Variants in CAMK2D observed in about 807,000 individuals in gnomAD.
CAMK2D encodes calcium/calmodulin dependent protein kinase II delta.
A neutral mutation model predicts 84.0 loss-of-function variants in CAMK2D; 37 were observed. The observed-to-expected ratio is 0.44, with a 90% CI of 0.34 to 0.58. CAMK2D has a LOEUF of 0.58. Ranked by LOEUF, CAMK2D falls within the 20% of genes least tolerant of loss-of-function variation. The pLI, the probability that CAMK2D is intolerant of heterozygous loss-of-function variation, is 0.02. For missense variants in CAMK2D, 448 were observed against 652.5 expected (o/e 0.69, Z 3.41); for synonymous variants, 202 against 212.5 (o/e 0.95, Z 0.43).
chr4:113,589,865 C>G (rs2098855202), intron 4 of CAMK2D, among the ~76,000 whole-genome samples: 1 of 152,008 alleles, frequency 6.6e-6, no homozygotes, highest in Non-Finnish European at 1.5e-5. Context: ...ATGCATGATG[C>G]CCAAGGACCA....
intron 3 of CAMK2D, among the ~76,000 whole-genome samples, chr4:113,611,460 G>T (rs1210587101): frequency 6.6e-6 from 1 of 152,128 alleles, no homozygotes; most frequent in Non-Finnish European, 1.5e-5. Context: ...GAAAAGTAAA[G>T]TCTACAATCT....
intron 16 of CAMK2D, among the ~76,000 whole-genome samples, chr4:113,494,846 G>A (rs758581746): frequency 5.3e-5 from 8 of 152,180 alleles, no homozygotes; most frequent in Admixed American, 6.5e-5. Flanking sequence ...CTCCTGGTGC[G>A]CCGTTTTTTA....
At chr4:113,516,712 T>G (rs2098288748) in intron 9 of CAMK2D, among the ~76,000 whole-genome samples, 1 of 152,172 alleles carries the variant, frequency 6.6e-6, no homozygotes, top group Non-Finnish European at 1.5e-5. Context: ...CTCCTCTCAC[T>G]TTCACATTGA....
intron 4 of CAMK2D, among the ~76,000 whole-genome samples, chr4:113,585,919 T>C (rs2098832356): frequency 1.3e-5 from 2 of 152,234 alleles, no homozygotes; most frequent in Non-Finnish European, 2.9e-5. Flanking sequence ...TTGTTGCTAT[T>C]CACCTAGACT....
chr4:113,455,694 C>A, intron 20 of CAMK2D, 32 bp downstream of exon 20: 2 of 1,230,364 alleles, frequency 1.6e-6, no homozygotes, highest in South Asian at 1.3e-5. Flanking sequence ...CAGCTCCAGT[C>A]ACAAAGTATC....
In CAMK2D at chr4:113,669,609, T is replaced by G. The variant is rs547926102; in HGVS notation, c.161-7837A>C. On this transcript the variant is annotated intron_variant, in intron 2 of 20. Transcript: ENST00000511664. ...TGACATTAGCGATCTCCCCTCAGTTTTCATACCTTCTGTGATGGTGTTGCT... is the reference window on the plus strand; with the variant it reads ...TGACATTAGCGATCTCCCCTCAGTTGTCATACCTTCTGTGATGGTGTTGCT... 2.2e-4 allele frequency among the ~76,000 whole-genome samples: 33 copies of G among 152,332 alleles called. 1 individual carries two copies. The highest frequency in any genetic ancestry group is 1.6e-3 in the Admixed American group (25 of 15,304).
intron 4 of CAMK2D, among the ~76,000 whole-genome samples, chr4:113,561,991 C>A (rs773604926): frequency 4.0e-4 from 61 of 152,166 alleles, no homozygotes; most frequent in Non-Finnish European, 6.2e-4. Flanking sequence ...CACGTGTAAA[C>A]ACAAGCATAC....
At chr4:113,601,357 A>G (rs964501798) in intron 4 of CAMK2D, among the ~76,000 whole-genome samples, 1 of 152,246 alleles carries the variant, frequency 6.6e-6, no homozygotes, top group African/African-American at 2.4e-5. Flanking sequence ...TCCTTAAAAA[A>G]TATAACAAAA....
At chr4:113,510,366 A>G (rs925698495) in intron 12 of CAMK2D, among the ~76,000 whole-genome samples, 5 of 152,210 alleles carry the variant, frequency 3.3e-5, no homozygotes, top group African/African-American at 1.2e-4. Context: ...AAAAGTAAAA[A>G]TCATAAAATT....
At chr4:113,508,690 A>C (rs749766393) in intron 13 of CAMK2D, among the ~76,000 whole-genome samples, 6 of 152,232 alleles carry the variant, frequency 3.9e-5, no homozygotes, top group Admixed American at 3.3e-4. Context: ...CACAGTCATC[A>C]GTGCTCCAGA....
intron 6 of CAMK2D, among the ~76,000 whole-genome samples, chr4:113,546,172 GA>G (rs1044157282): frequency 2.5e-4 from 38 of 151,928 alleles, no homozygotes; most frequent in Non-Finnish European, 4.1e-4. Context: ...AGAAGTGTCT[GA>G]AAAAAAATTG....
At chr4:113,755,952 AAATAT>A (rs1168257329) in intron 2 of CAMK2D, among the ~76,000 whole-genome samples, 1 of 152,044 alleles carries the variant, frequency 6.6e-6, no homozygotes, top group African/African-American at 2.4e-5. Flanking sequence ...ATTACATATA[AAATAT>A]AAGATGCTTG....
intron 2 of CAMK2D, among the ~76,000 whole-genome samples, chr4:113,741,155 A>G (rs2099591934): frequency 6.6e-6 from 1 of 152,148 alleles, no homozygotes; most frequent in Non-Finnish European, 1.5e-5. Context: ...GTGCAAGAGT[A>G]GTGATACTGG....
chr4:113,552,672 A>C (rs1297538048), intron 4 of CAMK2D, among the ~76,000 whole-genome samples: 1 of 152,190 alleles, frequency 6.6e-6, no homozygotes, highest in Non-Finnish European at 1.5e-5. Flanking sequence ...TTTTCCCCTA[A>C]TTTAACGTAA....
At chr4:113,717,961 A>T (rs1342872271) in intron 2 of CAMK2D, among the ~76,000 whole-genome samples, 1 of 152,080 alleles carries the variant, frequency 6.6e-6, no homozygotes, top group African/African-American at 2.4e-5. Context: ...AATAAAATTA[A>T]TACTGTTAAG....
At chr4:113,576,373 A>T (rs188383138) in intron 4 of CAMK2D, among the ~76,000 whole-genome samples, 67 of 144,358 alleles carry the variant, frequency 4.6e-4, no homozygotes, top group African/African-American at 1.5e-3. Context: ...AAAATAAGAT[A>T]TTCTCAGTAT....
chr4:113,753,702 T>C (rs11732988), intron 2 of CAMK2D: 76,840 of 660,278 alleles, frequency 0.12, 4,816 homozygotes, highest in Middle Eastern at 0.18. Context: ...ATTTACCATA[T>C]GAATAACATA....
At chr4:113,735,097 T>C (rs574840031) in intron 2 of CAMK2D, among the ~76,000 whole-genome samples, 2 of 151,500 alleles carry the variant, frequency 1.3e-5, no homozygotes, top group South Asian at 2.1e-4. Context: ...ACAATACCGA[T>C]AGCATATAAG....
At chr4:113,494,748 G>T (rs59969302) in intron 16 of CAMK2D, among the ~76,000 whole-genome samples, 10 of 151,938 alleles carry the variant, frequency 6.6e-5, no homozygotes, top group Non-Finnish European at 1.3e-4. Context: ...CCTCGCTGCC[G>T]CCTTGCAGTT....
Sources: allele counts gnomAD v4.1 joint callset (sites outside exome capture counted in the v4.1 genomes callset), GRCh38; gene constraint gnomAD v4.1.1; transcripts MANE v1.5; gene names NCBI Gene and HGNC (gene_info 2026-07-23, HGNC 2026-07-21).